PTPRD: variants seen among roughly 807,000 people sequenced by gnomAD.
The protein encoded by PTPRD is receptor-type tyrosine-protein phosphatase delta.
A neutral mutation model predicts 214.5 loss-of-function variants in PTPRD; 34 were observed. The ratio of observed to expected loss-of-function variants is 0.16; its 90% CI spans 0.12 to 0.21. PTPRD has a LOEUF of 0.21. Among genes scored for constraint, PTPRD ranks in the 10% least tolerant of loss-of-function variants. The pLI is 1.00. For missense variants in PTPRD, 2,545 were observed against 2,398.7 expected (o/e 1.06, Z -1.27); for synonymous variants, 1,128 against 845.7 (o/e 1.33, Z -5.79).
chr9:8,779,896 A>G (rs1024035448), intron 11 of PTPRD, among the ~76,000 whole-genome samples: 1 of 151,840 alleles, frequency 6.6e-6, no homozygotes, highest in African/African-American at 2.4e-5. Context: ...TATCTTACAA[A>G]GACTCTAATT....
At chr9:10,389,980 A>G (rs1053210514) in intron 2 of PTPRD, among the ~76,000 whole-genome samples, 9 of 151,796 alleles carry the variant, frequency 5.9e-5, no homozygotes, top group Admixed American at 5.3e-4. Flanking sequence ...TTTACAGTCA[A>G]TGCACAGCTG....
At chr9:10,241,541 A>G (rs10756012) in intron 3 of PTPRD, among the ~76,000 whole-genome samples, 82,644 of 151,752 alleles carry the variant, frequency 0.54, 24,053 homozygotes, top group East Asian at 0.73. Flanking sequence ...CTATTGATAA[A>G]TATAACAACA....
chr9:8,344,054 A>G (rs983266617), intron 39 of PTPRD, among the ~76,000 whole-genome samples: 1 of 151,192 alleles, frequency 6.6e-6, no homozygotes, highest in African/African-American at 2.4e-5. Context: ...TTGCAGTTAA[A>G]GGAACCTAAG....
chr9:9,348,513 G>A (rs890102054), intron 9 of PTPRD, among the ~76,000 whole-genome samples: 2 of 152,000 alleles, frequency 1.3e-5, no homozygotes, highest in African/African-American at 4.8e-5. Flanking sequence ...TATGCTGGGT[G>A]GGTGAACAAA....
chr9:9,986,885 T>C (rs2095731242), intron 4 of PTPRD, among the ~76,000 whole-genome samples: 1 of 93,692 alleles, frequency 1.1e-5, no homozygotes, highest in Admixed American at 1.1e-4. Context: ...GTTAATAGTG[T>C]AGATTTCATA....
intron 9 of PTPRD, among the ~76,000 whole-genome samples, chr9:9,357,868 C>G (rs2054440694): frequency 1.3e-5 from 2 of 150,412 alleles, no homozygotes; most frequent in Admixed American, 6.7e-5. Flanking sequence ...TTTTTTTTCC[C>G]AGGTAACATC....
intron 5 of PTPRD, among the ~76,000 whole-genome samples, chr9:9,879,317 C>A (rs116806378): frequency 6.6e-6 from 1 of 152,088 alleles, no homozygotes; most frequent in South Asian, 2.1e-4. Context: ...TGGCCTCTAT[C>A]CATGAAATGT....
intron 9 of PTPRD, among the ~76,000 whole-genome samples, chr9:9,338,141 G>C (rs767118815): frequency 6.6e-6 from 1 of 152,232 alleles, no homozygotes. Flanking sequence ...TGCTAATTTC[G>C]TGTTTATTTA....
intron 2 of PTPRD, among the ~76,000 whole-genome samples, chr9:10,390,243 A>G (rs1407915): frequency 0.049 from 7,407 of 151,894 alleles, 273 homozygotes; most frequent in South Asian, 0.15. Flanking sequence ...AAAGACAACC[A>G]AAATCATACC....
intron 7 of PTPRD, among the ~76,000 whole-genome samples, chr9:9,715,779 C>A (rs1012251074): frequency 6.6e-6 from 1 of 152,088 alleles, no homozygotes; most frequent in Non-Finnish European, 1.5e-5. Context: ...TTGTGTATTG[C>A]GATTTTCACA....
At chr9:10,575,431 T>A (rs1050416132) in intron 2 of PTPRD, among the ~76,000 whole-genome samples, 1 of 152,162 alleles carries the variant, frequency 6.6e-6, no homozygotes, top group Non-Finnish European at 1.5e-5. Context: ...AAATAGATTT[T>A]TTTAGTCATG....
At chr9:10,606,745 G>A (rs1311913992) in intron 2 of PTPRD, among the ~76,000 whole-genome samples, 1 of 151,800 alleles carries the variant, frequency 6.6e-6, no homozygotes, top group Non-Finnish European at 1.5e-5. Context: ...AAAAATGCAT[G>A]TGAACACAAT....
In PTPRD at chr9:10,316,136, T is replaced by G. The variant is rs1010477714; in HGVS notation, c.-545+24827A>C. On this transcript the variant is annotated intron_variant, in intron 3 of 45. Transcript: ENST00000381196. ...GTCTATATATATATATATACATATA[T>G]ACACATACATATGTATATATGTATA... 2.7e-5 allele frequency among the ~76,000 whole-genome samples: 4 copies of G among 147,306 alleles called. No homozygotes were observed. In the East Asian group the frequency reaches 5.9e-4, roughly 22 times the overall value.
intron 3 of PTPRD, among the ~76,000 whole-genome samples, chr9:10,162,724 T>C (rs552393414): frequency 6.9e-6 from 1 of 145,496 alleles, no homozygotes; most frequent in African/African-American, 2.5e-5. Flanking sequence ...TATATACATA[T>C]ACATGTACAT....
chr9:10,025,097 G>T (rs1454577595), intron 4 of PTPRD, among the ~76,000 whole-genome samples: 7 of 151,952 alleles, frequency 4.6e-5, no homozygotes, highest in Admixed American at 4.6e-4. Flanking sequence ...ACATACGTGT[G>T]CATGTGTCTT....
intron 10 of PTPRD, among the ~76,000 whole-genome samples, chr9:9,088,803 C>T (rs1300337298): frequency 6.6e-6 from 1 of 151,960 alleles, no homozygotes; most frequent in Admixed American, 6.6e-5. Flanking sequence ...GAGTCAGTGT[C>T]TGGATTTGAA....
At chr9:8,968,548 C>T (rs2154329520) in intron 11 of PTPRD, among the ~76,000 whole-genome samples, 1 of 152,054 alleles carries the variant, frequency 6.6e-6, no homozygotes, top group South Asian at 2.1e-4. Flanking sequence ...GCACTTTTCT[C>T]AGTGTTATTT....
intron 10 of PTPRD, among the ~76,000 whole-genome samples, chr9:9,136,233 T>C (rs2099850631): frequency 6.6e-6 from 1 of 152,136 alleles, no homozygotes; most frequent in Admixed American, 6.5e-5. Context: ...CTCAAGTATT[T>C]TCATTCCAAC....
At chr9:9,264,014 C>A (rs774508407) in intron 9 of PTPRD, among the ~76,000 whole-genome samples, 4 of 151,650 alleles carry the variant, frequency 2.6e-5, no homozygotes, top group African/African-American at 4.8e-5. Flanking sequence ...GAAACCCTAA[C>A]CAGTTTGTTT....
Sources: gnomAD v4.1 joint callset for allele counts (sites outside exome capture counted in the v4.1 genomes callset) on GRCh38, gnomAD v4.1.1 for gene constraint, MANE v1.5 for transcripts, NCBI Gene and HGNC (gene_info 2026-07-23, HGNC 2026-07-21) for gene names.